The following CRCP variants were observed in gnomAD, a reference collection of about 807,000 sequenced individuals.
CRCP encodes the protein CGRP receptor component.
Under a neutral mutation model 18.5 loss-of-function variants are expected in CRCP, and 18 were observed. That is an observed-to-expected ratio of 0.97 (90% CI 0.67 to 1.44). The LOEUF (loss-of-function observed/expected upper bound fraction) is 1.44, where lower values mean the gene tolerates loss of function less well. Among genes scored for constraint, CRCP ranks in the 40% most tolerant of loss-of-function variants. CRCP has a pLI of 0.00. For synonymous variants in CRCP, 53 were observed against 62.9 expected, an observed-to-expected ratio of 0.84 and a Z score of 0.75; for missense variants, 130 against 176.4, an observed-to-expected ratio of 0.74 and a Z score of 1.49.
intron 1 of CRCP, among the ~76,000 whole-genome samples, chr7:66,119,445 G>T (rs187671539): frequency 1.5e-3 from 229 of 152,302 alleles, no homozygotes; most frequent in African/African-American, 5.3e-3. Flanking sequence ...CTTGGGAACT[G>T]CAGCTTGAAG....
rs540974568 is a variant in CRCP, at chr7:66,141,295, C to T, written c.240-4148C>T. On this transcript the variant is annotated intron_variant, in intron 4 of 5. Transcript: ENST00000395326. Reference sequence around the variant, plus strand: ...TGTTGACTGTAGTCACCCTGTTGGACTATCAAATACTAGATCTTATTCATT... The same window carrying T: ...TGTTGACTGTAGTCACCCTGTTGGATTATCAAATACTAGATCTTATTCATT... Among the ~76,000 whole-genome samples, 11 of 152,314 alleles carry T rather than the reference C, an allele frequency of 7.2e-5. No homozygotes were observed. The South Asian group carries it at 1.2e-3, about 17-fold the overall frequency.
chr7:66,130,928 G>A, intron 3 of CRCP, 86 bp downstream of exon 3: 3 of 797,386 alleles, frequency 3.8e-6, no homozygotes, highest in Non-Finnish European at 6.4e-6. Context: ...CTGAAATTAA[G>A]ATTGCTTTTT....
At chr7:66,120,326 C>G (rs892217333) in intron 1 of CRCP, among the ~76,000 whole-genome samples, 1 of 152,100 alleles carries the variant, frequency 6.6e-6, no homozygotes, top group Non-Finnish European at 1.5e-5. Flanking sequence ...AGTTGCTAGG[C>G]GTGTATATTT....
chr7:66,115,071 C>A, intron 1 of CRCP, 101 bp downstream of exon 1: 1 of 1,516,950 alleles, frequency 6.6e-7, no homozygotes, highest in Non-Finnish European at 9.0e-7. Flanking sequence ...GACCCTCGTA[C>A]GGGAGTGAGG....
chr7:66,152,395 A>G lies in CRCP; in HGVS notation c.*38A>G. 1.2e-6 allele frequency: 2 copies of G among 1,609,360 alleles called. No individual in the cohort carries two copies. Among genetic ancestry groups the G allele is most frequent in the Non-Finnish European group, 8.5e-7 (1 of 1,177,462 alleles). Reference sequence around the variant, plus strand: ...GGCCCCGGCGTTTCATGAAGTCAGAAGGCCTGGCAGCCATTTCCTGGACGT... The same window carrying G: ...GGCCCCGGCGTTTCATGAAGTCAGAGGGCCTGGCAGCCATTTCCTGGACGT... On this transcript the variant is annotated 3_prime_UTR_variant, in exon 6 of 6. Coordinates refer to ENST00000395326, the MANE Select transcript of CRCP (RefSeq NM_014478.5).
chr7:66,119,971 A>T (rs1046948798), intron 1 of CRCP, among the ~76,000 whole-genome samples: 1 of 152,122 alleles, frequency 6.6e-6, no homozygotes, highest in Non-Finnish European at 1.5e-5. Context: ...TCATGAGGTC[A>T]GGAGATCGAG....
intron 1 of CRCP, among the ~76,000 whole-genome samples, chr7:66,115,518 G>A (rs928602753): frequency 6.6e-5 from 10 of 152,242 alleles, no homozygotes; most frequent in Middle Eastern, 3.4e-3. Context: ...ACCAGGACTG[G>A]GACCAGAGAA....
intron 4 of CRCP, among the ~76,000 whole-genome samples, chr7:66,141,622 G>A (rs534570003): frequency 4.6e-5 from 7 of 152,280 alleles, no homozygotes; most frequent in East Asian, 1.9e-4. Context: ...GAAAGAGAAG[G>A]TGTCATGGAA....
intron 4 of CRCP, among the ~76,000 whole-genome samples, chr7:66,135,734 C>T (rs2115968024): frequency 1.3e-5 from 2 of 152,126 alleles, no homozygotes; most frequent in South Asian, 4.1e-4. Flanking sequence ...CCAGCCTGAC[C>T]AACATGGAGA....
chr7:66,139,376 C>G (rs1364416522), intron 4 of CRCP, among the ~76,000 whole-genome samples: 1 of 152,094 alleles, frequency 6.6e-6, no homozygotes, highest in Non-Finnish European at 1.5e-5. Flanking sequence ...TTGTATTATT[C>G]CATTCATTTC....
rs1358079168 is a variant in CRCP, at chr7:66,154,231, A to C, written c.*1874A>C. 1.4e-5 allele frequency: 2 copies of C among 139,298 alleles called. No individual in the cohort carries two copies. The highest frequency in any genetic ancestry group is 2.7e-5 in the African/African-American group (1 of 36,882). 8.6% of individuals were successfully genotyped at this position (139,298 alleles called of 1,614,324 possible). On this transcript the variant is annotated 3_prime_UTR_variant, in exon 6 of 6. Coordinates refer to ENST00000395326, the MANE Select transcript of CRCP (RefSeq NM_014478.5). ...GTCTCGCTGTGTTGCCCAGGAGTGC[A>C]GTGGCACGATCTCTGCTCACTGCAA...
chr7:66,124,350 A>G (rs1304665465), intron 1 of CRCP, among the ~76,000 whole-genome samples: 1 of 151,706 alleles, frequency 6.6e-6, no homozygotes, highest in Non-Finnish European at 1.5e-5. Flanking sequence ...ACAGAGCGAG[A>G]CTCCTTCTCA....
chr7:66,129,199 G>A (rs1280555065), intron 2 of CRCP, among the ~76,000 whole-genome samples: 3 of 152,170 alleles, frequency 2.0e-5, no homozygotes, highest in Non-Finnish European at 2.9e-5. Flanking sequence ...CGGGCAAGGT[G>A]GCGGGCGCCT....
chr7:66,124,579 A>G (rs1245574926), intron 1 of CRCP, among the ~76,000 whole-genome samples: 1 of 134,390 alleles, frequency 7.4e-6, no homozygotes, highest in African/African-American at 2.9e-5. Flanking sequence ...TTTTGATTAG[A>G]GACACTTGAG....
At chr7:66,133,555 A>T (rs1225389522) in intron 3 of CRCP, among the ~76,000 whole-genome samples, 2 of 151,940 alleles carry the variant, frequency 1.3e-5, no homozygotes, top group East Asian at 3.9e-4. Flanking sequence ...AAAAAAAAAA[A>T]AAAGAAAAAG....
At position 66,152,279 on chromosome 7, in the gene CRCP, T is replaced by G; in HGVS notation, c.369T>G (p.Ile123Met). Reference protein sequence around the residue: ...IEALLHTVTSILPAEPEAEQK... With the variant: ...IEALLHTVTSMLPAEPEAEQK... ...CTCTTCTCCACACCGTCACCAGCAT[T>G]CTGCCTGCAGAGCCAGAGGCTGAGC... Residue 123 changes from isoleucine (I) to methionine (M), a missense_variant, in exon 6 of 6, where the codon ATT becomes ATG. By Grantham distance (10) the Ile-to-Met change is conservative (BLOSUM62 1). Coordinates refer to ENST00000395326, the MANE Select transcript of CRCP (RefSeq NM_014478.5). 1.2e-6 allele frequency: 2 copies of G among 1,614,080 alleles called. No homozygotes were observed. The highest frequency in any genetic ancestry group is 1.7e-6 in the Non-Finnish European group (2 of 1,180,006).
At chr7:66,151,502 G>A (rs1014985868) in intron 5 of CRCP, among the ~76,000 whole-genome samples, 3 of 152,062 alleles carry the variant, frequency 2.0e-5, no homozygotes, top group Non-Finnish European at 4.4e-5. Flanking sequence ...CTGAGAGGCG[G>A]AGGTTGCAGT....
chr7:66,125,448 G>C (rs554821686), intron 1 of CRCP, among the ~76,000 whole-genome samples: 1 of 149,482 alleles, frequency 6.7e-6, no homozygotes, highest in East Asian at 2.0e-4. Context: ...TGAATATTTA[G>C]CTGGGTTTTA....
Position 66,134,349 on chromosome 7 carries a change from G to A in CRCP, c.214G>A (p.Ala72Thr), listed in dbSNP as rs1787906597. The A allele has an allele frequency of 1.2e-6, 2 of 1,609,556 alleles. No individual in the cohort carries two copies. Among genetic ancestry groups the A allele is most frequent in the African/African-American group, 1.3e-5 (1 of 74,296 alleles). The stretch of plus-strand genomic sequence containing the variant: ...TGAAATTGTCAGAGAATTTCTCACA[G>A]CATTGAAAAGCCACAAGTTGACCAA... ...SPEIVREFLT[A>T]LKSHKLTKAE... Residue 72 changes from alanine to threonine, a missense_variant, in exon 4 of 6, where the codon GCA (alanine) becomes ACA (threonine). Transcript: ENST00000395326.
Sources: allele counts gnomAD v4.1 joint callset (sites outside exome capture counted in the v4.1 genomes callset), GRCh38; gene constraint gnomAD v4.1.1; transcripts MANE v1.5; gene names NCBI Gene and HGNC (gene_info 2026-07-23, HGNC 2026-07-21).